ZNF616: variants seen among roughly 807,000 people sequenced by gnomAD.
ZNF616 encodes zinc finger protein 616.
In ZNF616, 5 loss-of-function variants were observed where a neutral mutation model predicts 7.6. The observed-to-expected ratio is 0.66, with a 90% CI of 0.34 to 1.38. ZNF616 has a LOEUF of 1.38. Ranked by LOEUF, ZNF616 falls within the 40% of genes most tolerant of loss-of-function variation. The pLI, the probability that ZNF616 is intolerant of heterozygous loss-of-function variation, is 0.04. For missense variants in ZNF616, 913 were observed against 948.3 expected (o/e 0.96, Z 0.49); for synonymous variants, 319 against 317.2 (o/e 1.01, Z -0.06).
chr19:52,122,948 A>T (rs2088875896), intron 3 of ZNF616, among the ~76,000 whole-genome samples: 1 of 152,188 alleles, frequency 6.6e-6, no homozygotes. Context: ...TAACAAATTT[A>T]ATAGTAGGAA....
chr19:52,119,601 G>C (rs2088851357), intron 3 of ZNF616, among the ~76,000 whole-genome samples: 2 of 152,088 alleles, frequency 1.3e-5, no homozygotes, highest in Admixed American at 1.3e-4. Flanking sequence ...AATGTGCATG[G>C]GGCAGCAGGG....
rs770763200 is a variant in ZNF616 at position 52,115,672 on chromosome 19, A to G, written c.1492T>C (p.Cys498Arg). 1.7e-5 allele frequency: 27 copies of G among 1,614,056 alleles called. No homozygotes were observed. The highest frequency in any genetic ancestry group is 2.1e-5 in the Non-Finnish European group (25 of 1,180,004). The change falls in exon 4 of 4, where the codon TGT becomes CGT. Residue 498 changes from cysteine (C) to arginine (R), a missense_variant. Cys to Arg is a radical substitution (Grantham distance 180). Coordinates refer to ENST00000600228, the MANE Select transcript of ZNF616 (RefSeq NM_178523.5). ...TGEKPYKCNE[C>R]GKVFSQHSRL... is the part of the protein sequence containing the mutation. ...GAATGTTGACTGAAGACCTTGCCAC[A>G]TTCATTGCATTTGTAAGGTTTCTCT...
At chr19:52,130,661 A>G in intron 1 of ZNF616, 73 bp from the exon 2 acceptor site, 1 of 1,160,592 alleles carries the variant, frequency 8.6e-7, no homozygotes, top group Non-Finnish European at 1.2e-6. Flanking sequence ...CCATGCACAC[A>G]GGGAAGAACT....
At chr19:52,133,759 C>T (rs992211070) in intron 1 of ZNF616, among the ~76,000 whole-genome samples, 1 of 152,076 alleles carries the variant, frequency 6.6e-6, no homozygotes, top group Non-Finnish European at 1.5e-5. Context: ...GTGATCCGCC[C>T]GCCTCGGCCT....
intron 1 of ZNF616, among the ~76,000 whole-genome samples, chr19:52,136,641 T>G (rs2089011758): frequency 6.6e-6 from 1 of 151,908 alleles, no homozygotes. Flanking sequence ...CTGCTGGGAG[T>G]GCACATCAGT....
intron 1 of ZNF616, among the ~76,000 whole-genome samples, chr19:52,131,734 G>A (rs1421976607): frequency 6.6e-6 from 1 of 152,166 alleles, no homozygotes; most frequent in Non-Finnish European, 1.5e-5. Context: ...TTTTCTTTGG[G>A]TTGCCATTTT....
intron 3 of ZNF616, among the ~76,000 whole-genome samples, chr19:52,117,909 C>T (rs1358845686): frequency 6.6e-6 from 1 of 152,056 alleles, no homozygotes; most frequent in Non-Finnish European, 1.5e-5. Context: ...TTCATGCCTA[C>T]ACCTATGTAA....
intron 2 of ZNF616, among the ~76,000 whole-genome samples, chr19:52,129,875 C>T (rs185992570): frequency 3.3e-5 from 5 of 152,018 alleles, no homozygotes; most frequent in East Asian, 1.9e-4. Context: ...CCTCCACCTC[C>T]GGGTTCAAGC....
rs2088807009 is a variant in ZNF616, at chr19:52,115,157, G to A, written c.2007C>T (p.Thr669=). The part of the protein sequence containing the change: ...RPYKCNECGK[T]FKRSSNLTAH... ...CAGTGAGGTTTGAGCTCCGTTTAAA[G>A]GTTTTGCCACACTCATTACATTTGT... is the stretch of plus-strand genomic sequence containing the variant. Residue 669 remains threonine (T), a synonymous_variant, in exon 4 of 4, where the codon ACC becomes ACT. Transcript: ENST00000600228. 12 of 1,613,900 alleles carry A rather than the reference G, an allele frequency of 7.4e-6. No individual in the cohort carries two copies. The highest frequency in any genetic ancestry group is 1.3e-5 in the African/African-American group (1 of 74,852).
intron 3 of ZNF616, among the ~76,000 whole-genome samples, chr19:52,123,274 TA>T (rs1568560237): frequency 6.6e-6 from 1 of 152,020 alleles, no homozygotes; most frequent in Non-Finnish European, 1.5e-5. Context: ...TATGTGGACT[TA>T]AAAAATATAA....
intron 2 of ZNF616, among the ~76,000 whole-genome samples, chr19:52,126,629 G>A (rs1352551514): frequency 6.6e-6 from 1 of 151,932 alleles, no homozygotes; most frequent in Non-Finnish European, 1.5e-5. Context: ...TTAGCCAGGT[G>A]TGGTGGCACG....
At chr19:52,132,874 T>G (rs2088972646) in intron 1 of ZNF616, among the ~76,000 whole-genome samples, 2 of 152,128 alleles carry the variant, frequency 1.3e-5, no homozygotes, top group African/African-American at 4.8e-5. Context: ...GGAAAGACAG[T>G]AGGTGTGGAC....
In ZNF616 at chr19:52,113,625, T is replaced by A. The variant is rs1486682018; in HGVS notation, c.*1193A>T. The stretch of plus-strand genomic sequence containing the variant: ...CACTTCCCTGCCCTTCCCACCCCCA[T>A]CAGCAGGCCCCAGTGTGTGTTGCTC... On this transcript the variant is annotated 3_prime_UTR_variant, in exon 4 of 4. Coordinates refer to ENST00000600228, the MANE Select transcript of ZNF616 (RefSeq NM_178523.5). 6.6e-6 allele frequency: 1 copy of A among 151,838 alleles called. No homozygotes were observed. The highest frequency in any genetic ancestry group is 6.6e-5 in the Admixed American group (1 of 15,246). 9.4% of individuals were successfully genotyped at this position (151,838 alleles called of 1,614,324 possible). A position where few individuals can be genotyped will look rare whatever the true frequency, so the allele number is the denominator to read the frequency against.
intron 1 of ZNF616, among the ~76,000 whole-genome samples, chr19:52,135,877 C>T (rs746610900): frequency 6.6e-6 from 1 of 152,016 alleles, no homozygotes; most frequent in Non-Finnish European, 1.5e-5. Flanking sequence ...GCCTGTAATC[C>T]TAGCATGTTG....
intron 1 of ZNF616, among the ~76,000 whole-genome samples, chr19:52,137,405 A>G (rs1313323911): frequency 6.6e-6 from 1 of 152,158 alleles, no homozygotes; most frequent in Non-Finnish European, 1.5e-5. Flanking sequence ...CCTGGGCGAC[A>G]GAGCGAGCGA....
At chr19:52,131,630 T>C (rs1237150990) in intron 1 of ZNF616, among the ~76,000 whole-genome samples, 1 of 152,064 alleles carries the variant, frequency 6.6e-6, no homozygotes, top group Non-Finnish European at 1.5e-5. Flanking sequence ...GAGTGTTCTG[T>C]GAGCTAAGGG....
At chr19:52,136,566 C>T (rs2089011070) in intron 1 of ZNF616, among the ~76,000 whole-genome samples, 1 of 148,850 alleles carries the variant, frequency 6.7e-6, no homozygotes, top group Non-Finnish European at 1.5e-5. Flanking sequence ...CTTAGGAAGG[C>T]TATTATCAAA....
chr19:52,134,644 G>A (rs947987695), intron 1 of ZNF616, among the ~76,000 whole-genome samples: 2 of 152,196 alleles, frequency 1.3e-5, no homozygotes. Flanking sequence ...GCTGTTGTCT[G>A]CTGGAGAATT....
intron 1 of ZNF616, among the ~76,000 whole-genome samples, chr19:52,134,576 G>A (rs1449992211): frequency 6.6e-6 from 1 of 152,170 alleles, no homozygotes. Context: ...ACCTGTGGGA[G>A]ATGACTCTAA....
Sources: gnomAD v4.1 joint callset for allele counts (sites outside exome capture counted in the v4.1 genomes callset) on GRCh38, gnomAD v4.1.1 for gene constraint, MANE v1.5 for transcripts, NCBI Gene and HGNC (gene_info 2026-07-23, HGNC 2026-07-21) for gene names.